The following DCUN1D4 variants were observed in gnomAD, a reference collection of about 807,000 sequenced individuals.
DCUN1D4 encodes defective in cullin neddylation 1 domain containing 4.
DCUN1D4 carries 22 observed loss-of-function variants against 47.9 expected under a neutral mutation model. The ratio of observed to expected loss-of-function variants is 0.46; its 90% CI spans 0.33 to 0.66. DCUN1D4 has a LOEUF of 0.66. Among genes scored for constraint, DCUN1D4 ranks in the 30% least tolerant of loss-of-function variants. DCUN1D4 has a pLI of 0.02. For missense variants in DCUN1D4, 301 were observed against 340.8 expected (o/e 0.88, Z 0.92); for synonymous variants, 121 against 112.2 (o/e 1.08, Z -0.50).
chr4:51,843,038 G>T, upstream of DCUN1D4: 1 of 1,368,156 alleles, frequency 7.3e-7, no homozygotes. Flanking sequence ...CCAGACCGGC[G>T]CTATGGGCAC....
At chr4:51,890,498 C>T (rs942540001) in intron 6 of DCUN1D4, among the ~76,000 whole-genome samples, 2 of 152,140 alleles carry the variant, frequency 1.3e-5, no homozygotes, top group African/African-American at 2.4e-5. Context: ...AGAGAGAGCC[C>T]ATTAACAGTG....
intron 3 of DCUN1D4, among the ~76,000 whole-genome samples, chr4:51,870,380 T>C (rs934273043): frequency 8.5e-5 from 13 of 152,184 alleles, no homozygotes; most frequent in Admixed American, 2.0e-4. Context: ...GAATATGTCT[T>C]CTAAAAAAAT....
rs966476436 is a variant in DCUN1D4, at chr4:51,915,092, G to A, written c.*1508G>A. 2 of 151,594 alleles carry A rather than the reference G, an allele frequency of 1.3e-5. No homozygotes were observed. The highest frequency in any genetic ancestry group is 2.9e-5 in the Non-Finnish European group (2 of 67,878). The allele number at this position is 151,594 out of a possible 1,614,324, so 9.4% of individuals were successfully genotyped here. ...GGCTAAAACTTCTTTCGGGTGACAT[G>A]TGATCGTTTAAATGGCATTAAGTGA... On this transcript the variant is annotated 3_prime_UTR_variant, in exon 11 of 11. Transcript: ENST00000334635.
In DCUN1D4 at chr4:51,888,845, G is replaced by A. The variant is rs140644991; in HGVS notation, c.414+2207G>A. ...ATGTAGGCCAGGCGTGGTGGCTCAC[G>A]CCTGTAATCCCAGTACTTTGAGAGG... On this transcript the variant is annotated intron_variant, in intron 6 of 10. Coordinates refer to ENST00000334635, the MANE Select transcript of DCUN1D4 (RefSeq NM_001040402.3). Among the ~76,000 whole-genome samples, 518 of 152,204 alleles carry A rather than the reference G, an allele frequency of 3.4e-3. 4 individuals carry two copies. The highest frequency in any genetic ancestry group is 0.024 in the Middle Eastern group (7 of 294).
rs1027289017 is a variant in DCUN1D4 at position 51,869,152 on chromosome 4, CAGAG to C, written c.137-5116_137-5113del. Among the ~76,000 whole-genome samples the C allele has an allele frequency of 1.2e-4, 14 of 119,512 alleles. 1 individual carries two copies. The highest frequency in any genetic ancestry group is 4.0e-4 in the Admixed American group (5 of 12,586). The allele number at this position is 119,512 out of a possible 152,430, so 78.4% of individuals were successfully genotyped here. ...AAAAAAAAAAAAAAAAAAAGTCAAT[CAGAG>C]AGGACCAAAAATAAAAAAAATAAAA... On this transcript the variant is annotated intron_variant, in intron 3 of 10. Transcript: ENST00000334635.
upstream of DCUN1D4, among the ~76,000 whole-genome samples, chr4:51,839,180 GAAAGGA>G (rs1430385388): frequency 2.1e-5 from 3 of 139,978 alleles, no homozygotes; most frequent in African/African-American, 5.7e-5. Flanking sequence ...AAGGAAGGAA[GAAAGGA>G]GAAGGAAGGA....
chr4:51,874,457 T>C (rs1727377885), intron 4 of DCUN1D4, 72 bp downstream of exon 4: 2 of 1,144,164 alleles, frequency 1.7e-6, no homozygotes, highest in Admixed American at 2.3e-5. Context: ...CCTAATTCAG[T>C]GTGGGTCTTC....
intron 7 of DCUN1D4, 113 bp downstream of exon 7, chr4:51,891,964 G>C (rs1297361756): frequency 1.2e-6 from 1 of 801,064 alleles, no homozygotes; most frequent in African/African-American, 1.8e-5. Flanking sequence ...AGGTGGTCTG[G>C]CCAAGCTTCC....
chr4:51,877,855 G>A lies in DCUN1D4; in HGVS notation c.343+1G>A. 1.9e-6 allele frequency: 3 copies of A among 1,589,186 alleles called. No individual in the cohort carries two copies. Among genetic ancestry groups the A allele is most frequent in the Non-Finnish European group, 2.6e-6 (3 of 1,159,954 alleles). On this transcript the variant is annotated splice_donor_variant, in intron 5 of 10. Coordinates refer to ENST00000334635, the MANE Select transcript of DCUN1D4 (RefSeq NM_001040402.3). LOFTEE classifies it high-confidence loss of function. The stretch of plus-strand genomic sequence containing the variant: ...TTGGAATGGTTCTATGAATATGCAG[G>A]TAGGTATTCATTTGTATCATCTAAG...
At chr4:51,877,136 T>C (rs1727837179) in intron 4 of DCUN1D4, among the ~76,000 whole-genome samples, 1 of 152,128 alleles carries the variant, frequency 6.6e-6, no homozygotes, top group African/African-American at 2.4e-5. Flanking sequence ...AGGCTAGAAT[T>C]AGAAGAAAAA....
upstream of DCUN1D4, among the ~76,000 whole-genome samples, chr4:51,842,653 G>C (rs889649111): frequency 3.9e-5 from 6 of 152,230 alleles, no homozygotes; most frequent in Non-Finnish European, 8.8e-5. Context: ...CGGGAGACCC[G>C]GCCGCGTCGC....
intron 1 of DCUN1D4, among the ~76,000 whole-genome samples, chr4:51,847,625 GTT>G (rs554890242): frequency 1.4e-5 from 2 of 139,252 alleles, no homozygotes. Context: ...TTTCTTTTTT[GTT>G]TTTTTTTTTT....
chr4:51,845,271 T>G, intron 1 of DCUN1D4: 5 of 985,310 alleles, frequency 5.1e-6, no homozygotes, highest in Non-Finnish European at 6.0e-6. Flanking sequence ...AACGATAATA[T>G]AAACTATGTG....
At chr4:51,859,098 T>C (rs1436464800) in intron 1 of DCUN1D4, among the ~76,000 whole-genome samples, 5 of 152,132 alleles carry the variant, frequency 3.3e-5, no homozygotes, top group African/African-American at 1.2e-4. Flanking sequence ...TCCCCACCTC[T>C]TTTTGGGGTG....
chr4:51,898,247 CTG>C (rs1472387976), intron 7 of DCUN1D4, among the ~76,000 whole-genome samples: 2 of 152,130 alleles, frequency 1.3e-5, no homozygotes, highest in Non-Finnish European at 2.9e-5. Flanking sequence ...AGGTGGGGAA[CTG>C]AGAGAGAGTG....
intron 1 of DCUN1D4, chr4:51,843,639 G>C (rs1402924432): frequency 1.6e-6 from 2 of 1,257,038 alleles, no homozygotes; most frequent in Admixed American, 4.2e-5. Context: ...GATGTGGGGG[G>C]GTGGCACCGG....
At chr4:51,880,522 C>T (rs1195858985) in intron 5 of DCUN1D4, among the ~76,000 whole-genome samples, 1 of 152,190 alleles carries the variant, frequency 6.6e-6, no homozygotes, top group East Asian at 1.9e-4. Context: ...CTTTCCGTGG[C>T]TCCTGAGGCC....
chr4:51,878,873 G>A (rs1300579484), intron 5 of DCUN1D4, among the ~76,000 whole-genome samples: 5 of 152,130 alleles, frequency 3.3e-5, no homozygotes, highest in Non-Finnish European at 7.4e-5. Context: ...TCCCCCTGTA[G>A]CCTGATCTGG....
intron 1 of DCUN1D4, among the ~76,000 whole-genome samples, chr4:51,848,650 C>T (rs541803139): frequency 6.6e-6 from 1 of 152,228 alleles, no homozygotes; most frequent in Admixed American, 6.5e-5. Flanking sequence ...GTATTCTAAG[C>T]AGAACATGTA....
Sources: gnomAD v4.1 joint callset for allele counts (sites outside exome capture counted in the v4.1 genomes callset) on GRCh38, gnomAD v4.1.1 for gene constraint, MANE v1.5 for transcripts, NCBI Gene and HGNC (gene_info 2026-07-23, HGNC 2026-07-21) for gene names.